The following SLC35F4 variants were observed in gnomAD, a reference collection of about 807,000 sequenced individuals.
SLC35F4 encodes the protein solute carrier family 35 member F4, also known as chromosome 14 open reading frame 36.
In SLC35F4, 24 loss-of-function variants were observed where a neutral mutation model predicts 44.2. That is an observed-to-expected ratio of 0.54 (90% CI 0.39 to 0.76). The LOEUF is 0.76. Ranked by LOEUF, SLC35F4 falls within the 30% of genes least tolerant of loss-of-function variation. SLC35F4 has a pLI of 0.00. For missense variants in SLC35F4, 562 were observed against 586.1 expected, an observed-to-expected ratio of 0.96 and a Z score of 0.42; for synonymous variants, 238 against 223.6, an observed-to-expected ratio of 1.06 and a Z score of -0.57.
chr14:57,584,112 G>A (rs538790299), intron 3 of SLC35F4, among the ~76,000 whole-genome samples: 75 of 152,218 alleles, frequency 4.9e-4, no homozygotes, highest in African/African-American at 1.8e-3. Flanking sequence ...CCAGTTTGAT[G>A]CTATCTAAGA....
chr14:57,766,957 T>C (rs2077249907), intron 1 of SLC35F4, among the ~76,000 whole-genome samples: 2 of 152,200 alleles, frequency 1.3e-5, no homozygotes, highest in African/African-American at 4.8e-5. Context: ...AAAAGGAGTG[T>C]ATACACTAAT....
upstream of SLC35F4, among the ~76,000 whole-genome samples, chr14:57,982,408 G>A (rs1881407464): frequency 6.6e-6 from 1 of 152,196 alleles, no homozygotes; most frequent in Non-Finnish European, 1.5e-5. Flanking sequence ...AGGGCTTCCA[G>A]GCACCAGCTA....
rs747304 is a variant in SLC35F4 at position 57,961,889 on chromosome 14, C to G, written n.282+20024G>C. 9.0e-3 allele frequency among the ~76,000 whole-genome samples: 1,372 copies of G among 152,198 alleles called. 13 individuals are homozygous for G. Among genetic ancestry groups the G allele is most frequent in the South Asian group, 0.013 (62 of 4,822 alleles). The stretch of plus-strand genomic sequence containing the variant: ...GCCCCTGTGGGTTTTCTCCCTAGCT[C>G]TTATTGTACTTACTTATCAGTGTGA... On this transcript the variant is annotated intron_variant and non_coding_transcript_variant, in intron 1 of 1. Coordinates refer to the SLC35F4 transcript ENST00000556568.
chr14:57,913,624 A>T (rs1889259579), intron 1 of SLC35F4, among the ~76,000 whole-genome samples: 2 of 152,122 alleles, frequency 1.3e-5, no homozygotes, highest in South Asian at 4.1e-4. Context: ...CATTGTTGTC[A>T]TTCATTTCAC....
chr14:57,568,762 T>C (rs568250247), intron 6 of SLC35F4, among the ~76,000 whole-genome samples: 2 of 152,212 alleles, frequency 1.3e-5, no homozygotes, highest in East Asian at 1.9e-4. Flanking sequence ...AGAAGGTCAG[T>C]TGAGGGTTGA....
In SLC35F4 at chr14:57,865,840, G is replaced by A. The variant is rs746562256; in HGVS notation, c.-15C>T. 47 of 1,490,096 alleles carry A rather than the reference G, an allele frequency of 3.2e-5. No individual in the cohort carries two copies. The highest frequency in any genetic ancestry group is 3.9e-5 in the Non-Finnish European group (44 of 1,123,192). 92.3% of individuals were successfully genotyped at this position (1,490,096 alleles called of 1,614,324 possible). ...TTGACATCCATAGAGAGCGCGGGGC[G>A]ACGGCCCCGAGTGCGGCGGGGCGGA... On this transcript the variant is annotated 5_prime_UTR_variant, in exon 1 of 8. Coordinates refer to ENST00000556826, the MANE Select transcript of SLC35F4 (RefSeq NM_001306087.2).
chr14:57,643,170 G>A (rs1319030049), intron 1 of SLC35F4, among the ~76,000 whole-genome samples: 1 of 151,728 alleles, frequency 6.6e-6, no homozygotes, highest in East Asian at 1.9e-4. Flanking sequence ...AAACACTTAA[G>A]CAAGTATAGT....
chr14:57,654,483 A>G (rs1265804271), intron 1 of SLC35F4, among the ~76,000 whole-genome samples: 2 of 151,466 alleles, frequency 1.3e-5, no homozygotes, highest in East Asian at 3.9e-4. Flanking sequence ...TTCTTTATCC[A>G]CTCGTTGGTT....
chr14:57,964,634 C>G (rs1013648161), intron 1 of SLC35F4, among the ~76,000 whole-genome samples: 1 of 151,968 alleles, frequency 6.6e-6, no homozygotes, highest in South Asian at 2.1e-4. Flanking sequence ...GAGGAAGGAG[C>G]CTTTTTTATT....
intron 1 of SLC35F4, among the ~76,000 whole-genome samples, chr14:57,670,058 G>A (rs1301217633): frequency 6.6e-6 from 1 of 152,066 alleles, no homozygotes; most frequent in Admixed American, 6.5e-5. Flanking sequence ...TTTAGTCTTG[G>A]GAGAGTGTAT....
At position 57,768,643 on chromosome 14, in the gene SLC35F4, T is replaced by C. The variant is rs530827927; in HGVS notation, c.103+97080A>G. Among the ~76,000 whole-genome samples, 9 of 152,324 alleles carry C rather than the reference T, an allele frequency of 5.9e-5. No homozygotes were observed. The South Asian group carries it at 1.9e-3, about 32-fold the overall frequency. On this transcript the variant is annotated intron_variant, in intron 1 of 7. Transcript: ENST00000556826. ...CAGATCACAATTTCTCTTTATTTGC[T>C]TGCATTTGGGGTTAACATAAATTAT... is the stretch of plus-strand genomic sequence containing the variant.
chr14:57,620,011 G>GA (rs2072085711), intron 1 of SLC35F4, among the ~76,000 whole-genome samples: 1 of 151,938 alleles, frequency 6.6e-6, no homozygotes, highest in South Asian at 2.1e-4. Context: ...GAAAAGAAAT[G>GA]AAAAAAGCCT....
intron 1 of SLC35F4, among the ~76,000 whole-genome samples, chr14:57,860,500 A>T (rs1026858310): frequency 2.0e-5 from 3 of 152,186 alleles, no homozygotes; most frequent in African/African-American, 7.2e-5. Context: ...TTTTTCACAG[A>T]CAAGAAAATC....
intron 1 of SLC35F4, among the ~76,000 whole-genome samples, chr14:57,623,790 C>A (rs2072327475): frequency 6.6e-6 from 1 of 152,188 alleles, no homozygotes; most frequent in African/African-American, 2.4e-5. Context: ...CTCTGGGACA[C>A]ACATAAAGCT....
chr14:57,828,517 G>T (rs1318014579), intron 1 of SLC35F4, among the ~76,000 whole-genome samples: 2 of 152,146 alleles, frequency 1.3e-5, no homozygotes, highest in African/African-American at 2.4e-5. Context: ...AAGATGAAAA[G>T]ATCACTTTTC....
intron 2 of SLC35F4, among the ~76,000 whole-genome samples, chr14:57,591,957 C>T (rs1276032099): frequency 1.3e-5 from 2 of 152,204 alleles, no homozygotes; most frequent in African/African-American, 2.4e-5. Flanking sequence ...CCAATAGTCA[C>T]CTACACCTTT....
intron 1 of SLC35F4, among the ~76,000 whole-genome samples, chr14:57,629,396 T>G (rs1277415744): frequency 6.6e-6 from 1 of 152,152 alleles, no homozygotes; most frequent in Non-Finnish European, 1.5e-5. Context: ...AGGAGAGTTG[T>G]TGGACTGAAG....
At chr14:57,572,151 T>G in intron 4 of SLC35F4, 132 bp from the exon 5 acceptor site, 1 of 1,011,338 alleles carries the variant, frequency 9.9e-7, no homozygotes, top group Non-Finnish European at 1.4e-6. Flanking sequence ...ACTTTAAATG[T>G]AGGAAGGCTC....
chr14:57,950,763 G>C (rs1393399792), intron 1 of SLC35F4, among the ~76,000 whole-genome samples: 1 of 147,614 alleles, frequency 6.8e-6, no homozygotes, highest in Non-Finnish European at 1.5e-5. Flanking sequence ...CTCCCACCCA[G>C]GTTAAAGCAA....
Sources: allele counts gnomAD v4.1 joint callset (sites outside exome capture counted in the v4.1 genomes callset), GRCh38; gene constraint gnomAD v4.1.1; transcripts MANE v1.5; gene names NCBI Gene and HGNC (gene_info 2026-07-23, HGNC 2026-07-21).